The following GATAD2A variants were observed in gnomAD, a reference collection of about 807,000 sequenced individuals.
GATAD2A encodes transcriptional repressor p66-alpha.
GATAD2A carries 12 observed loss-of-function variants against 68.5 expected under a neutral mutation model. The ratio of observed to expected loss-of-function variants is 0.18; its 90% CI spans 0.11 to 0.28. The LOEUF is 0.28. Among genes scored for constraint, GATAD2A ranks in the 10% least tolerant of loss-of-function variants. GATAD2A has a pLI of 1.00. For missense variants in GATAD2A, 755 were observed against 868.5 expected, an observed-to-expected ratio of 0.87 and a Z score of 1.64; for synonymous variants, 410 against 375.3, an observed-to-expected ratio of 1.09 and a Z score of -1.07.
At chr19:19,463,943 T>TG (rs1180280810) in intron 1 of GATAD2A, among the ~76,000 whole-genome samples, 1 of 152,228 alleles carries the variant, frequency 6.6e-6, no homozygotes. Context: ...GGCAGGGCCT[T>TG]GCGCTATTGC....
intron 1 of GATAD2A, among the ~76,000 whole-genome samples, chr19:19,421,039 G>A (rs1184417868): frequency 1.5e-4 from 23 of 152,194 alleles, no homozygotes; most frequent in Admixed American, 1.2e-3. Context: ...GGTGCCTAGC[G>A]GTAACTTTCT....
At chr19:19,470,562 CAAT>C (rs1262441029) in intron 2 of GATAD2A, among the ~76,000 whole-genome samples, 2 of 152,194 alleles carry the variant, frequency 1.3e-5, no homozygotes, top group Non-Finnish European at 2.9e-5. Context: ...ATCCCACTCT[CAAT>C]AATTGGTAGA....
intron 1 of GATAD2A, among the ~76,000 whole-genome samples, chr19:19,412,930 G>A (rs975538292): frequency 6.6e-6 from 1 of 152,182 alleles, no homozygotes; most frequent in Non-Finnish European, 1.5e-5. Context: ...TAACCCCATT[G>A]TAAGTCGAGG....
chr19:19,445,901 A>C (rs1231722940), intron 1 of GATAD2A, among the ~76,000 whole-genome samples: 1 of 151,860 alleles, frequency 6.6e-6, no homozygotes, highest in Admixed American at 6.6e-5. Context: ...TTTTTTTTGA[A>C]TACCTATATT....
chr19:19,499,702 C>T (rs979752529), intron 8 of GATAD2A, among the ~76,000 whole-genome samples: 3 of 152,130 alleles, frequency 2.0e-5, no homozygotes, highest in Non-Finnish European at 2.9e-5. Flanking sequence ...GAGCTCTCCA[C>T]ACTTGCGTGG....
intron 1 of GATAD2A, among the ~76,000 whole-genome samples, chr19:19,446,473 T>A (rs2055732420): frequency 6.6e-6 from 1 of 151,914 alleles, no homozygotes; most frequent in Non-Finnish European, 1.5e-5. Context: ...TTTTTTCCCA[T>A]TCTATGGGTG....
intron 5 of GATAD2A, 58 bp from the exon 6 acceptor site, chr19:19,495,696 T>A (rs2060102745): frequency 1.3e-6 from 2 of 1,503,796 alleles, no homozygotes; most frequent in Non-Finnish European, 1.8e-6. Context: ...CTGCTTGCTT[T>A]AAAAAAAGTG....
chr19:19,402,375 T>G (rs909955292), upstream of GATAD2A: 1 of 147,710 alleles, frequency 6.8e-6, no homozygotes, highest in Non-Finnish European at 1.5e-5. Flanking sequence ...AAATTTTAAC[T>G]AAATAACAGG....
chr19:19,501,854 C>T (rs778836541), intron 9 of GATAD2A, 115 bp from the exon 10 acceptor site: 4 of 742,156 alleles, frequency 5.4e-6, no homozygotes, highest in Non-Finnish European at 9.2e-6. Flanking sequence ...CTCAAGATCC[C>T]CACTTGGCGC....
At chr19:19,441,899 T>C (rs1396518648) in intron 1 of GATAD2A, among the ~76,000 whole-genome samples, 1 of 151,798 alleles carries the variant, frequency 6.6e-6, no homozygotes. Flanking sequence ...TTCACTCTTG[T>C]TGCGCAGGCT....
At chr19:19,499,675 A>G (rs1291246560) in intron 8 of GATAD2A, among the ~76,000 whole-genome samples, 1 of 152,130 alleles carries the variant, frequency 6.6e-6, no homozygotes, top group African/African-American at 2.4e-5. Flanking sequence ...GGTTGCACCC[A>G]GGGTCCCCAA....
At chr19:19,481,763 A>G (rs1015951269) in intron 2 of GATAD2A, among the ~76,000 whole-genome samples, 1 of 152,354 alleles carries the variant, frequency 6.6e-6, no homozygotes, top group Non-Finnish European at 1.5e-5. Flanking sequence ...TGTGGATGCT[A>G]CTGGCTGTCC....
At chr19:19,459,766 C>G (rs1451364393) in intron 1 of GATAD2A, among the ~76,000 whole-genome samples, 2 of 152,344 alleles carry the variant, frequency 1.3e-5, no homozygotes, top group East Asian at 3.9e-4. Flanking sequence ...TCCCCTGGCC[C>G]ATGGCCAGCC....
intron 10 of GATAD2A, 49 bp downstream of exon 10, chr19:19,502,092 G>A (rs368081742): frequency 1.7e-5 from 23 of 1,390,016 alleles, no homozygotes; most frequent in Admixed American, 8.6e-5. Flanking sequence ...ACCGCAGCCC[G>A]TGACCACGTC....
chr19:19,464,840 G>T (rs1316426158), intron 1 of GATAD2A: 1 of 181,794 alleles, frequency 5.5e-6, no homozygotes, highest in African/African-American at 2.4e-5. Context: ...CCCTGAAGGG[G>T]AGAAGCTGGG....
At chr19:19,410,914 G>A (rs1274015079) in intron 1 of GATAD2A, among the ~76,000 whole-genome samples, 1 of 152,236 alleles carries the variant, frequency 6.6e-6, no homozygotes, top group Admixed American at 6.5e-5. Context: ...GAGATAACAA[G>A]TGCAAATGAT....
chr19:19,395,229 C>G (rs529916103), intron 1 of GATAD2A, among the ~76,000 whole-genome samples: 2 of 151,992 alleles, frequency 1.3e-5, no homozygotes, highest in South Asian at 4.1e-4. Flanking sequence ...CTGAGGCAGG[C>G]GGATCATTTG....
At chr19:19,420,567 C>T (rs2052287254) in intron 1 of GATAD2A, among the ~76,000 whole-genome samples, 1 of 149,724 alleles carries the variant, frequency 6.7e-6, no homozygotes, top group East Asian at 2.0e-4. Context: ...ATCTCGATCT[C>T]CTGACCTCGT....
chr19:19,467,827 C>T (rs1416461547), intron 2 of GATAD2A, among the ~76,000 whole-genome samples: 1 of 152,140 alleles, frequency 6.6e-6, no homozygotes, highest in Non-Finnish European at 1.5e-5. Context: ...GTATAGTGTA[C>T]ATATTGCTAT....
Sources: gnomAD v4.1 joint callset for allele counts (sites outside exome capture counted in the v4.1 genomes callset) on GRCh38, gnomAD v4.1.1 for gene constraint, MANE v1.5 for transcripts, NCBI Gene and HGNC (gene_info 2026-07-23, HGNC 2026-07-21) for gene names.